CLVS1: variants seen among roughly 807,000 people sequenced by gnomAD.
CLVS1 encodes clavesin 1.
CLVS1 carries 10 observed loss-of-function variants against 33.1 expected under a neutral mutation model. That is an observed-to-expected ratio of 0.30 (90% CI 0.19 to 0.51). CLVS1 has a LOEUF of 0.51. CLVS1 is among the 20% of genes least tolerant of loss of function. The pLI is 0.97. For synonymous variants in CLVS1, 163 were observed against 166.1 expected (o/e 0.98, Z 0.14); for missense variants, 343 against 433.4 (o/e 0.79, Z 1.85).
At chr8:61,440,355 G>C (rs1218600425) in intron 3 of CLVS1, among the ~76,000 whole-genome samples, 1 of 152,198 alleles carries the variant, frequency 6.6e-6, no homozygotes, top group Non-Finnish European at 1.5e-5. Context: ...ATTAAATTAT[G>C]TAAACTGCTT....
intron 3 of CLVS1, among the ~76,000 whole-genome samples, chr8:61,405,779 C>T (rs117945302): frequency 0.012 from 1,801 of 147,908 alleles, 15 homozygotes; most frequent in Non-Finnish European, 0.021. Context: ...GTGCCACTGT[C>T]TTAATTTATA....
At chr8:61,005,343 C>T in the CLVS1 span, among the ~76,000 whole-genome samples, 4 of 150,740 alleles carry the variant, frequency 2.7e-5, no homozygotes, top group East Asian at 7.8e-4. Context: ...GCGAATACGT[C>T]AAGGGGACCC....
intron 2 of CLVS1, among the ~76,000 whole-genome samples, chr8:61,313,600 G>T (rs4033650): frequency 1.3e-5 from 2 of 152,172 alleles, no homozygotes; most frequent in Non-Finnish European, 2.9e-5. Context: ...CTTCCTGGAA[G>T]CTCCTGGAGA....
At chr8:61,049,982 A>G in the CLVS1 span, among the ~76,000 whole-genome samples, 1 of 152,250 alleles carries the variant, frequency 6.6e-6, no homozygotes, top group Non-Finnish European at 1.5e-5. Flanking sequence ...GCACTAATGT[A>G]TACGGTGCTC....
At chr8:61,420,344 A>T (rs898400274) in intron 3 of CLVS1, among the ~76,000 whole-genome samples, 3 of 152,216 alleles carry the variant, frequency 2.0e-5, no homozygotes, top group Non-Finnish European at 2.9e-5. Context: ...TCACGCCTGT[A>T]ATCCCAGCAC....
intron 2 of CLVS1, among the ~76,000 whole-genome samples, chr8:61,354,916 T>A (rs1330356329): frequency 6.6e-6 from 1 of 152,172 alleles, no homozygotes; most frequent in African/African-American, 2.4e-5. Context: ...CCAATGTACG[T>A]CAGATAAAAT....
At chr8:61,092,329 C>T (rs1805265580) in intron 1 of CLVS1, among the ~76,000 whole-genome samples, 2 of 152,192 alleles carry the variant, frequency 1.3e-5, no homozygotes, top group South Asian at 4.1e-4. Flanking sequence ...AGTGGGGAGA[C>T]TTCTACAGAT....
chr8:61,319,744 T>C (rs146210134), intron 2 of CLVS1, among the ~76,000 whole-genome samples: 187 of 152,358 alleles, frequency 1.2e-3, no homozygotes, highest in African/African-American at 4.1e-3. Context: ...AGGTTAATGC[T>C]TTATGGCATT....
At chr8:61,071,417 C>T (rs35725929) in intron 1 of CLVS1, among the ~76,000 whole-genome samples, 10,279 of 152,212 alleles carry the variant, frequency 0.068, 478 homozygotes, top group South Asian at 0.22. Flanking sequence ...CCTGGCATCA[C>T]GTTAACCTCT....
chr8:61,089,954 G>A (rs1805203263), intron 1 of CLVS1, among the ~76,000 whole-genome samples: 1 of 152,104 alleles, frequency 6.6e-6, no homozygotes, highest in Admixed American at 6.5e-5. Context: ...AAATCTCCCA[G>A]GAAGCAGGTT....
At chr8:61,258,353 G>C (rs900902419) in intron 2 of CLVS1, among the ~76,000 whole-genome samples, 2 of 152,154 alleles carry the variant, frequency 1.3e-5, no homozygotes, top group South Asian at 4.1e-4. Context: ...TATTTTAAAA[G>C]ATTATTTTTT....
intron 2 of CLVS1, among the ~76,000 whole-genome samples, chr8:61,244,644 G>A (rs1239204128): frequency 6.6e-6 from 1 of 152,102 alleles, no homozygotes; most frequent in East Asian, 1.9e-4. Flanking sequence ...ACTTTAATTA[G>A]TGATAATGCC....
At position 61,062,595 on chromosome 8, in the gene CLVS1, G is replaced by T. The variant is rs930751634; in HGVS notation, c.-243+5365G>T. ...TTGCTTTTGTTTTATTTTCTGAGAGGACTATGGTATTGAGCGATAAGGAAG... is the reference window on the plus strand; with the variant it reads ...TTGCTTTTGTTTTATTTTCTGAGAGTACTATGGTATTGAGCGATAAGGAAG... On this transcript the variant is annotated intron_variant, in intron 1 of 2. Coordinates refer to the CLVS1 transcript ENST00000522621. 3.9e-5 allele frequency among the ~76,000 whole-genome samples: 6 copies of T among 152,224 alleles called. No homozygotes were observed. In the South Asian group the frequency reaches 1.2e-3, roughly 31 times the overall value.
chr8:61,470,572 A>T (rs1402808967), intron 5 of CLVS1, among the ~76,000 whole-genome samples: 1 of 152,254 alleles, frequency 6.6e-6, no homozygotes, highest in African/African-American at 2.4e-5. Flanking sequence ...ATTTCTTGTG[A>T]CATATTGCTG....
chr8:61,376,213 C>T (rs539635462), intron 2 of CLVS1, among the ~76,000 whole-genome samples: 6 of 152,250 alleles, frequency 3.9e-5, no homozygotes, highest in Non-Finnish European at 8.8e-5. Flanking sequence ...ATTCATTGTA[C>T]TGGGGAAACA....
intron 2 of CLVS1, among the ~76,000 whole-genome samples, chr8:61,134,752 C>A (rs185965852): frequency 5.3e-5 from 8 of 152,286 alleles, no homozygotes. Context: ...CTGAGCCCAC[C>A]CAGGTAATCC....
chr8:61,277,848 C>T lies in CLVS1; in HGVS notation c.-151-21829C>T, dbSNP rs1013971721. On this transcript the variant is annotated intron_variant, in intron 2 of 2. Coordinates refer to the CLVS1 transcript ENST00000522621. ...TGAATTCCAGCTTATATATCATCTT[C>T]GACAAAGAACAGTACTTTAGAGAAG... 2.6e-5 allele frequency among the ~76,000 whole-genome samples: 4 copies of T among 151,810 alleles called. No individual in the cohort carries two copies. The South Asian group carries it at 8.3e-4, about 32-fold the overall frequency.
intron 2 of CLVS1, among the ~76,000 whole-genome samples, chr8:61,221,318 G>T (rs1041294191): frequency 6.6e-6 from 1 of 152,130 alleles, no homozygotes; most frequent in Non-Finnish European, 1.5e-5. Context: ...TTGGCTGTGG[G>T]TTTGTCATAA....
intron 1 of CLVS1, among the ~76,000 whole-genome samples, chr8:61,095,614 G>A (rs1418318562): frequency 1.3e-5 from 2 of 152,104 alleles, no homozygotes; most frequent in Non-Finnish European, 2.9e-5. Flanking sequence ...TTGCCCGAGA[G>A]GATCTTACAC....
Sources: gnomAD v4.1 joint callset for allele counts (sites outside exome capture counted in the v4.1 genomes callset) on GRCh38, gnomAD v4.1.1 for gene constraint, MANE v1.5 for transcripts, NCBI Gene and HGNC (gene_info 2026-07-23, HGNC 2026-07-21) for gene names.